The following FRYL variants were observed in gnomAD, a reference collection of about 807,000 sequenced individuals.
The protein encoded by FRYL is FRY like transcription coactivator.
FRYL carries 150 observed loss-of-function variants against 351.2 expected under a neutral mutation model. That is an observed-to-expected ratio of 0.43 (90% CI 0.37 to 0.49). The LOEUF (loss-of-function observed/expected upper bound fraction) is 0.49. Ranked by LOEUF, FRYL falls within the 20% of genes least tolerant of loss-of-function variation. FRYL has a pLI of 0.00. For missense variants in FRYL, 3,036 were observed against 3,619.3 expected (o/e 0.84, Z 4.13); for synonymous variants, 1,153 against 1,257.1 (o/e 0.92, Z 1.75).
At chr4:48,727,862 A>C (rs1770257043) in intron 1 of FRYL, among the ~76,000 whole-genome samples, 1 of 152,168 alleles carries the variant, frequency 6.6e-6, no homozygotes, top group South Asian at 2.1e-4. Flanking sequence ...CTAGCCTTCC[A>C]TGTGGCAGAC....
chr4:48,531,178 T>C lies in FRYL; in HGVS notation c.6881A>G (p.Asp2294Gly). 6.2e-7 allele frequency: 1 copy of C among 1,606,882 alleles called. No individual in the cohort carries two copies. Among genetic ancestry groups the C allele is most frequent in the Non-Finnish European group, 8.5e-7 (1 of 1,173,840 alleles). ...VSKELPGKTLDFHFDISETPI... is the reference protein window; with the variant it reads ...VSKELPGKTLGFHFDISETPI... The stretch of plus-strand genomic sequence containing the variant: ...TACCTCAGATATATCAAAATGAAAA[T>C]CTAAGGTCTTCCCAGGCAACTCCTT... Residue 2294 changes from aspartate (D) to glycine (G), a missense_variant, in exon 50 of 64, where the codon GAT (aspartate) becomes GGT (glycine). Transcript: ENST00000358350.
chr4:48,779,673 T>G lies in FRYL; in HGVS notation c.-384+405A>C, dbSNP rs1776436071. ...CCGCGGGGCGGCTCCCGCGAGTCGG[T>G]GGCGAGGCGGCGCGCGACCAGAGCA... On this transcript the variant is annotated intron_variant, in intron 1 of 63. Transcript: ENST00000358350. Among the ~76,000 whole-genome samples the G allele has an allele frequency of 2.0e-5, 3 of 151,610 alleles. No individual in the cohort carries two copies. In the South Asian group the frequency reaches 6.3e-4, roughly 32 times the overall value.
intron 1 of FRYL, among the ~76,000 whole-genome samples, chr4:48,713,431 C>G (rs1211582380): frequency 1.3e-5 from 2 of 151,946 alleles, no homozygotes; most frequent in Admixed American, 6.6e-5. Context: ...GGAAGATCTA[C>G]CAAGCAAATG....
Position 48,499,109 on chromosome 4 carries a change from TG to T in FRYL, c.*312del, listed in dbSNP as rs1220237373. ...TGGAGGCCATTATTGCAAACATTCTTGGAATTCTTTTCTTTCCCCAGAAAGT... is the reference window on the plus strand; with the variant it reads ...TGGAGGCCATTATTGCAAACATTCTTGAATTCTTTTCTTTCCCCAGAAAGT... On this transcript the variant is annotated 3_prime_UTR_variant, in exon 64 of 64. Transcript: ENST00000358350. The T allele has an allele frequency of 4.4e-6, 1 of 229,422 alleles. No homozygotes were observed. The highest frequency in any genetic ancestry group is 8.6e-6 in the Non-Finnish European group (1 of 115,990). 14.2% of individuals were successfully genotyped at this position (229,422 alleles called of 1,614,324 possible).
chr4:48,653,679 A>T, intron 3 of FRYL: 1 of 1,261,732 alleles, frequency 7.9e-7, no homozygotes, highest in Non-Finnish European at 1.0e-6. Flanking sequence ...ATAATACCTC[A>T]GCATTTTTTT....
At chr4:48,609,911 CAATCTT>C (rs1747709934) in intron 7 of FRYL, 88 bp from the exon 8 acceptor site, 1 of 597,002 alleles carries the variant, frequency 1.7e-6, no homozygotes, top group Non-Finnish European at 2.9e-6. Flanking sequence ...AATCAATAAT[CAATCTT>C]AATGTTCATG....
intron 57 of FRYL, among the ~76,000 whole-genome samples, chr4:48,511,775 G>T (rs1722531424): frequency 6.6e-6 from 1 of 152,156 alleles, no homozygotes; most frequent in African/African-American, 2.4e-5. Context: ...GGTTGGGAAG[G>T]CTTCGGTAAG....
chr4:48,575,100 T>C lies in FRYL; in HGVS notation c.2846+17A>G, dbSNP rs374457777. 467 of 1,611,694 alleles carry C rather than the reference T, an allele frequency of 2.9e-4. 1 individual carries two copies. In the African/African-American group the frequency reaches 3.9e-3, roughly 14 times the overall value. On this transcript the variant is annotated intron_variant, in intron 25 of 63. Transcript: ENST00000358350. Reference sequence around the variant, plus strand: ...TTATTCTTTTAGGACATAGAAAAAATGTACGAACATAGTTACCTAAAAGCT... The same window carrying C: ...TTATTCTTTTAGGACATAGAAAAAACGTACGAACATAGTTACCTAAAAGCT...
At chr4:48,578,201 A>G (rs1174980728) in intron 23 of FRYL, among the ~76,000 whole-genome samples, 2 of 152,132 alleles carry the variant, frequency 1.3e-5, no homozygotes, top group Non-Finnish European at 2.9e-5. Context: ...TCCAACTTTG[A>G]AAGTATTGAT....
At chr4:48,527,834 G>C in intron 52 of FRYL, 137 bp downstream of exon 52, 5 of 951,202 alleles carry the variant, frequency 5.3e-6, no homozygotes, top group African/African-American at 1.6e-5. Flanking sequence ...TGTCACAAGA[G>C]ATAAGAAATC....
At chr4:48,616,234 C>T (rs904515353) in intron 7 of FRYL, among the ~76,000 whole-genome samples, 14 of 151,858 alleles carry the variant, frequency 9.2e-5, no homozygotes, top group South Asian at 8.3e-4. Context: ...AAAAAAAATA[C>T]TGGCCATTTC....
rs567439366 is a variant in FRYL at position 48,587,139 on chromosome 4, A to G, written c.1641-411T>C. Reference sequence around the variant, plus strand: ...GTTATTTTGAGGGGCCTATAAAATTAGCCACATTGTTTTCACTTAGTATCT... The same window carrying G: ...GTTATTTTGAGGGGCCTATAAAATTGGCCACATTGTTTTCACTTAGTATCT... On this transcript the variant is annotated intron_variant, in intron 18 of 63. Transcript: ENST00000358350. Among the ~76,000 whole-genome samples the G allele has an allele frequency of 1.1e-4, 17 of 152,172 alleles. No homozygotes were observed. The East Asian group carries it at 3.3e-3, about 29-fold the overall frequency.
chr4:48,678,641 G>A (rs1251959407), intron 3 of FRYL, among the ~76,000 whole-genome samples: 1 of 150,780 alleles, frequency 6.6e-6, no homozygotes, highest in Non-Finnish European at 1.5e-5. Context: ...AATTTTAATA[G>A]TCATTTCCTG....
intron 53 of FRYL, among the ~76,000 whole-genome samples, chr4:48,524,877 C>T (rs1725668937): frequency 6.6e-6 from 1 of 151,934 alleles, no homozygotes; most frequent in Non-Finnish European, 1.5e-5. Flanking sequence ...AATTTAAATT[C>T]TGGACTGAAA....
intron 55 of FRYL, among the ~76,000 whole-genome samples, chr4:48,518,370 C>T (rs1284777678): frequency 6.6e-6 from 1 of 152,172 alleles, no homozygotes; most frequent in Non-Finnish European, 1.5e-5. Context: ...CAGCTTAGCT[C>T]GTTCATCTCC....
chr4:48,505,895 T>C, intron 59 of FRYL: 1 of 313,526 alleles, frequency 3.2e-6, no homozygotes, highest in Non-Finnish European at 5.8e-6. Flanking sequence ...AAGGATATTC[T>C]TCATTTTGCA....
chr4:48,542,570 G>C (rs1217614682), intron 44 of FRYL, among the ~76,000 whole-genome samples: 3 of 152,092 alleles, frequency 2.0e-5, no homozygotes, highest in Non-Finnish European at 2.9e-5. Context: ...GCATGCGCCT[G>C]CACACCTAGC....
Position 48,567,488 on chromosome 4 carries a change from A to G in FRYL, c.2997-68T>C, listed in dbSNP as rs1737042156. ...TTATGATTTAAATAAAAAATTCTTA[A>G]TACTCAAAATCAGAATAATACATGT... is the stretch of plus-strand genomic sequence containing the variant. On this transcript the variant is annotated intron_variant, in intron 27 of 63. Transcript: ENST00000358350. The surrounding 1 kb of genome is among the most constrained non-coding windows in gnomAD (Gnocchi z 4.2). The G allele has an allele frequency of 1.7e-6, 2 of 1,185,430 alleles. No homozygotes were observed. Among genetic ancestry groups the G allele is most frequent in the Admixed American group, 2.8e-5 (1 of 36,204 alleles). 73.4% of individuals were successfully genotyped at this position (1,185,430 alleles called of 1,614,324 possible). A position where few individuals can be genotyped will look rare whatever the true frequency, so the allele number is the denominator to read the frequency against.
At chr4:48,533,701 C>T (rs1311420107) in intron 49 of FRYL, among the ~76,000 whole-genome samples, 1 of 152,154 alleles carries the variant, frequency 6.6e-6, no homozygotes, top group African/African-American at 2.4e-5. Flanking sequence ...GTAGCTCAAA[C>T]CGACAGCTTA....
Sources: allele counts gnomAD v4.1 joint callset (sites outside exome capture counted in the v4.1 genomes callset), GRCh38; gene constraint gnomAD v4.1.1; non-coding constraint Gnocchi (gnomAD v3.1); transcripts MANE v1.5; gene names NCBI Gene and HGNC (gene_info 2026-07-23, HGNC 2026-07-21).